The following DLGAP1 variants were observed in gnomAD, a reference collection of about 807,000 sequenced individuals.
DLGAP1 encodes the protein DLG associated protein 1.
In DLGAP1, 11 loss-of-function variants were observed where a neutral mutation model predicts 90.8. That is an observed-to-expected ratio of 0.12 (90% confidence interval 0.08 to 0.20). The LOEUF is 0.20. Ranked by LOEUF, DLGAP1 falls within the 10% of genes least tolerant of loss-of-function variation. DLGAP1 has a pLI of 1.00. For synonymous variants in DLGAP1, 558 were observed against 540.7 expected (o/e 1.03, Z -0.44); for missense variants, 1,050 against 1,333.8 (o/e 0.79, Z 3.31).
chr18:3,829,964 T>C (rs961185510), intron 4 of DLGAP1, among the ~76,000 whole-genome samples: 1 of 152,102 alleles, frequency 6.6e-6, no homozygotes, highest in Non-Finnish European at 1.5e-5. Context: ...CAGTGCTTAT[T>C]GATATTCAGA....
At chr18:4,281,272 C>T (rs982564689) in intron 1 of DLGAP1, among the ~76,000 whole-genome samples, 3 of 152,078 alleles carry the variant, frequency 2.0e-5, no homozygotes, top group South Asian at 4.1e-4. Flanking sequence ...AATGTGGGGC[C>T]GGGCGCAGTG....
intron 7 of DLGAP1, chr18:3,722,300 A>C (rs1365536661): frequency 6.6e-6 from 1 of 152,226 alleles, no homozygotes; most frequent in African/African-American, 2.4e-5. Context: ...GGTATTCTTC[A>C]GATTTTAAAT....
chr18:4,319,583 G>A (rs753407028), intron 1 of DLGAP1, among the ~76,000 whole-genome samples: 5 of 152,132 alleles, frequency 3.3e-5, no homozygotes, highest in Non-Finnish European at 5.9e-5. Context: ...CATTTTAAGT[G>A]GGTCCAGAAG....
intron 2 of DLGAP1, among the ~76,000 whole-genome samples, chr18:4,064,804 A>C (rs1368512388): frequency 1.3e-5 from 2 of 152,006 alleles, no homozygotes; most frequent in African/African-American, 4.8e-5. Context: ...CTGTTCCAAA[A>C]AATTAATAAG....
rs2061604096 is a variant in DLGAP1, at chr18:3,711,771, C to G, written c.1591+17364G>C. On this transcript the variant is annotated intron_variant, in intron 7 of 12. Coordinates refer to ENST00000315677, the MANE Select transcript of DLGAP1 (RefSeq NM_004746.4). The surrounding 1 kb of genome is among the most constrained non-coding windows in gnomAD (Gnocchi z 4.0). ...GGAGGCTTGCTTGAGCCCGGGAGAT[C>G]AAGGCTGTTGTGAGCCATGATCATG... is the stretch of plus-strand genomic sequence containing the variant. Among the ~76,000 whole-genome samples, 1 of 152,026 alleles carries G rather than the reference C, an allele frequency of 6.6e-6. No homozygotes were observed. Among genetic ancestry groups the G allele is most frequent in the Non-Finnish European group, 1.5e-5 (1 of 68,016 alleles).
At chr18:4,335,824 GA>G (rs532698956) in intron 1 of DLGAP1, among the ~76,000 whole-genome samples, 1 of 151,996 alleles carries the variant, frequency 6.6e-6, no homozygotes, top group Non-Finnish European at 1.5e-5. Context: ...GACTGCGTTA[GA>G]AAAAAAAGTG....
At chr18:4,177,005 G>A (rs1598551712) in intron 1 of DLGAP1, among the ~76,000 whole-genome samples, 1 of 152,114 alleles carries the variant, frequency 6.6e-6, no homozygotes. Flanking sequence ...AGAGACAGGT[G>A]CTGCCCCAGG....
chr18:4,388,748 G>A (rs477604), intron 1 of DLGAP1, among the ~76,000 whole-genome samples: 138,904 of 152,206 alleles, frequency 0.91, 63,674 homozygotes, highest in East Asian at 1. Context: ...TAAAGTATCT[G>A]ATATAATTTT....
chr18:3,601,045 TATAG>T (rs1404411331), intron 7 of DLGAP1, among the ~76,000 whole-genome samples: 133 of 145,710 alleles, frequency 9.1e-4, no homozygotes, highest in Admixed American at 2.4e-3. Flanking sequence ...GAGATAAAGA[TATAG>T]ATAGATATAT....
chr18:4,253,819 T>A (rs974223132), intron 1 of DLGAP1, among the ~76,000 whole-genome samples: 9 of 152,176 alleles, frequency 5.9e-5, no homozygotes, highest in African/African-American at 2.2e-4. Flanking sequence ...CAATCCCTGG[T>A]AGATTTTGCA....
At chr18:3,928,902 T>C (rs1006594525) in intron 3 of DLGAP1, among the ~76,000 whole-genome samples, 1 of 152,208 alleles carries the variant, frequency 6.6e-6, no homozygotes, top group Non-Finnish European at 1.5e-5. Flanking sequence ...GGGAGGTGAT[T>C]GGCTTATCGA....
chr18:4,149,968 C>A (rs1448595232), intron 2 of DLGAP1, among the ~76,000 whole-genome samples: 1 of 152,200 alleles, frequency 6.6e-6, no homozygotes, highest in Admixed American at 6.5e-5. Context: ...AATCCAAAAC[C>A]AAGGAGAAAA....
chr18:3,580,676 G>A, intron 8 of DLGAP1: 5 of 1,611,120 alleles, frequency 3.1e-6, no homozygotes, highest in Non-Finnish European at 4.2e-6. Context: ...CCCGGCCCCT[G>A]AGGACGACGG....
At chr18:4,133,062 A>G (rs963709603) in intron 2 of DLGAP1, among the ~76,000 whole-genome samples, 1 of 152,158 alleles carries the variant, frequency 6.6e-6, no homozygotes, top group Non-Finnish European at 1.5e-5. Flanking sequence ...TTTTGTGAGA[A>G]TCACTGCACA....
intron 3 of DLGAP1, among the ~76,000 whole-genome samples, chr18:3,941,616 A>G (rs1003055652): frequency 1.3e-5 from 2 of 152,258 alleles, no homozygotes; most frequent in African/African-American, 2.4e-5. Flanking sequence ...TTTATCCAAG[A>G]TAACAGTCAT....
chr18:4,227,470 A>G (rs1443565675), intron 1 of DLGAP1, among the ~76,000 whole-genome samples: 1 of 151,964 alleles, frequency 6.6e-6, no homozygotes, highest in Non-Finnish European at 1.5e-5. Context: ...TAGTCTTAAG[A>G]CATTAAAAAA....
intron 2 of DLGAP1, among the ~76,000 whole-genome samples, chr18:4,056,623 A>G (rs542249801): frequency 1.8e-4 from 27 of 152,316 alleles, no homozygotes; most frequent in Non-Finnish European, 3.2e-4. Flanking sequence ...CTGTTACTTC[A>G]TCACTGAAAC....
intron 1 of DLGAP1, among the ~76,000 whole-genome samples, chr18:4,333,693 C>T (rs955330022): frequency 4.1e-5 from 6 of 147,466 alleles, no homozygotes; most frequent in Non-Finnish European, 6.0e-5. Flanking sequence ...GATCTCGGCT[C>T]ACTGCAAACT....
intron 7 of DLGAP1, among the ~76,000 whole-genome samples, chr18:3,646,828 A>G (rs113943683): frequency 0.18 from 26,952 of 151,870 alleles, 2,559 homozygotes; most frequent in Non-Finnish European, 0.2. Context: ...GGGAGGCTGA[A>G]GCAGGAGAAT....
Sources: allele counts gnomAD v4.1 joint callset (sites outside exome capture counted in the v4.1 genomes callset), GRCh38; gene constraint gnomAD v4.1.1; non-coding constraint Gnocchi (gnomAD v3.1); transcripts MANE v1.5; gene names NCBI Gene and HGNC (gene_info 2026-07-23, HGNC 2026-07-21).